Variants in ATF1 observed in about 807,000 individuals in gnomAD.
ATF1 encodes the protein cyclic AMP-dependent transcription factor ATF-1.
Under a neutral mutation model 34.7 loss-of-function variants are expected in ATF1, and 16 were observed. That is an observed-to-expected ratio of 0.46 (90% CI 0.31 to 0.70). ATF1 has a LOEUF of 0.70. Ranked by LOEUF, ATF1 falls within the 30% of genes least tolerant of loss-of-function variation. The pLI is 0.05. For missense variants in ATF1, 255 were observed against 321.6 expected, an observed-to-expected ratio of 0.79 and a Z score of 1.58; for synonymous variants, 105 against 113.1, an observed-to-expected ratio of 0.93 and a Z score of 0.46.
intron 3 of ATF1, among the ~76,000 whole-genome samples, chr12:50,807,813 G>GTTTTTTTTTTT (rs59464118): frequency 1.6e-5 from 2 of 125,786 alleles, no homozygotes; most frequent in African/African-American, 2.8e-5. Flanking sequence ...TTTTTTTTTT[G>GTTTTTTTTTTT]TTTTTTTTTT....
intron 3 of ATF1, among the ~76,000 whole-genome samples, chr12:50,803,982 A>G (rs901518049): frequency 2.0e-5 from 3 of 152,218 alleles, no homozygotes; most frequent in African/African-American, 7.2e-5. Flanking sequence ...ATGGGTACCA[A>G]GTTTCTTTTA....
intron 3 of ATF1, among the ~76,000 whole-genome samples, chr12:50,803,270 A>AG (rs1464280630): frequency 6.7e-6 from 1 of 149,574 alleles, no homozygotes; most frequent in Non-Finnish European, 1.5e-5. Context: ...CTCTGTCTCA[A>AG]AAAAAAAAAA....
chr12:50,782,881 G>A (rs1046537720), intron 2 of ATF1, among the ~76,000 whole-genome samples: 1 of 151,400 alleles, frequency 6.6e-6, no homozygotes, highest in East Asian at 2.0e-4. Flanking sequence ...GTAGAGGTGG[G>A]GTTTCACCAT....
intron 1 of ATF1, among the ~76,000 whole-genome samples, chr12:50,775,324 G>T (rs1940891693): frequency 6.7e-6 from 1 of 149,926 alleles, no homozygotes; most frequent in African/African-American, 2.5e-5. Context: ...TGATATGTGT[G>T]TTTTTTTTTT....
upstream of ATF1, chr12:50,763,736 T>G (rs1023809591): frequency 4.6e-5 from 7 of 150,732 alleles, no homozygotes; most frequent in African/African-American, 1.5e-4. Flanking sequence ...CAAGGTCAAT[T>G]GGCAGGTGAG....
At chr12:50,812,183 GT>G (rs1454948709) in intron 4 of ATF1, among the ~76,000 whole-genome samples, 5 of 152,162 alleles carry the variant, frequency 3.3e-5, no homozygotes, top group African/African-American at 1.2e-4. Context: ...AGGAAGATAT[GT>G]TGCAAAAATG....
intron 1 of ATF1, among the ~76,000 whole-genome samples, chr12:50,772,264 C>T (rs1360105631): frequency 6.6e-6 from 1 of 151,800 alleles, no homozygotes. Flanking sequence ...AGGAATGAGC[C>T]ATCGCACTTG....
chr12:50,775,701 A>G (rs1463981892), intron 1 of ATF1: 1 of 152,284 alleles, frequency 6.6e-6, no homozygotes, highest in Non-Finnish European at 1.5e-5. Flanking sequence ...AGTAATTAAC[A>G]AGATTATAAA....
chr12:50,766,605 A>G (rs1940641473), intron 1 of ATF1, among the ~76,000 whole-genome samples: 1 of 150,864 alleles, frequency 6.6e-6, no homozygotes, highest in African/African-American at 2.4e-5. Context: ...CACTTCACCC[A>G]CTAACTCGTC....
chr12:50,798,315 T>G (rs768596076), intron 3 of ATF1, among the ~76,000 whole-genome samples: 1 of 151,548 alleles, frequency 6.6e-6, no homozygotes, highest in Non-Finnish European at 1.5e-5. Flanking sequence ...TCATGGTTGT[T>G]GTTTTTTTTT....
At chr12:50,782,055 A>C (rs972173172) in intron 2 of ATF1, among the ~76,000 whole-genome samples, 6 of 152,168 alleles carry the variant, frequency 3.9e-5, no homozygotes, top group African/African-American at 1.4e-4. Flanking sequence ...TAACTTGCTG[A>C]GTTTTGCTGC....
chr12:50,809,867 C>T (rs1215207847), intron 4 of ATF1, among the ~76,000 whole-genome samples: 1 of 152,026 alleles, frequency 6.6e-6, no homozygotes, highest in Admixed American at 6.6e-5. Context: ...GAGTCTCGCT[C>T]TTGTTGCCCA....
intron 2 of ATF1, among the ~76,000 whole-genome samples, chr12:50,791,694 A>G (rs962904997): frequency 3.9e-5 from 6 of 152,210 alleles, no homozygotes; most frequent in Non-Finnish European, 8.8e-5. Context: ...ATCCAAGAGT[A>G]ATGGTATGGA....
chr12:50,792,167 C>T (rs11169561), intron 2 of ATF1, among the ~76,000 whole-genome samples: 35,832 of 152,074 alleles, frequency 0.24, 4,992 homozygotes, highest in East Asian at 0.4. Context: ...TTTGCTCCCA[C>T]AGAACAGTAC....
intron 1 of ATF1, among the ~76,000 whole-genome samples, chr12:50,770,600 G>C (rs1940745527): frequency 6.6e-6 from 1 of 152,164 alleles, no homozygotes; most frequent in South Asian, 2.1e-4. Flanking sequence ...TATTATTCTT[G>C]CTGCACTTTA....
At chr12:50,815,703 A>C (rs1432648191) in intron 6 of ATF1, among the ~76,000 whole-genome samples, 1 of 152,060 alleles carries the variant, frequency 6.6e-6, no homozygotes, top group African/African-American at 2.4e-5. Flanking sequence ...CAAAAATTTA[A>C]AATTAGCTAG....
intron 1 of ATF1, among the ~76,000 whole-genome samples, chr12:50,771,325 G>T (rs577946612): frequency 2.6e-5 from 4 of 152,042 alleles, no homozygotes; most frequent in Non-Finnish European, 4.4e-5. Context: ...TACTCTTGTG[G>T]AATATATTGC....
intron 2 of ATF1, among the ~76,000 whole-genome samples, chr12:50,788,011 G>T (rs1941221567): frequency 6.6e-6 from 1 of 152,114 alleles, no homozygotes; most frequent in Non-Finnish European, 1.5e-5. Context: ...CAATGGATCT[G>T]GGCTTCTTTA....
chr12:50,812,280 T>C (rs1240374471), intron 4 of ATF1, among the ~76,000 whole-genome samples: 3 of 152,144 alleles, frequency 2.0e-5, no homozygotes, highest in South Asian at 4.1e-4. Context: ...GTAAAAGAAA[T>C]TGCAGTTTTC....
Sources: allele counts gnomAD v4.1 joint callset (sites outside exome capture counted in the v4.1 genomes callset), GRCh38; gene constraint gnomAD v4.1.1; transcripts MANE v1.5; gene names NCBI Gene and HGNC (gene_info 2026-07-23, HGNC 2026-07-21).